Variants in SAMMSON observed in about 807,000 individuals in gnomAD.
SAMMSON encodes long intergenic non-protein coding RNA 1212.
chr3:70,419,051 A>C (rs1701290298), intron 2 of SAMMSON, among the ~76,000 whole-genome samples: 1 of 135,392 alleles, frequency 7.4e-6, no homozygotes, highest in Non-Finnish European at 1.5e-5. Flanking sequence ...TTTCACAGGG[A>C]TCTCACTCTT....
At chr3:70,238,762 G>A (rs907543664) in intron 4 of SAMMSON, among the ~76,000 whole-genome samples, 1 of 151,892 alleles carries the variant, frequency 6.6e-6, no homozygotes, top group Non-Finnish European at 1.5e-5. Context: ...GTCTCCATCT[G>A]GACATCCTAG....
intron 4 of SAMMSON, among the ~76,000 whole-genome samples, chr3:70,188,716 T>A (rs1701109374): frequency 1.3e-5 from 2 of 152,224 alleles, no homozygotes; most frequent in African/African-American, 4.8e-5. Context: ...AAGACTTGGC[T>A]GAATCATCTC....
chr3:70,358,128 C>T (rs973040432), intron 8 of SAMMSON: 6 of 152,106 alleles, frequency 3.9e-5, no homozygotes, highest in Non-Finnish European at 8.8e-5. Flanking sequence ...AGTATATTGA[C>T]TTATAATACA....
At chr3:70,266,485 A>G (rs1331185007) in intron 6 of SAMMSON, among the ~76,000 whole-genome samples, 1 of 152,064 alleles carries the variant, frequency 6.6e-6, no homozygotes, top group African/African-American at 2.4e-5. Flanking sequence ...TAGTGGCACA[A>G]TCATGGCTCA....
At chr3:70,092,474 T>A (rs1014373438) in intron 4 of SAMMSON, among the ~76,000 whole-genome samples, 1 of 151,100 alleles carries the variant, frequency 6.6e-6, no homozygotes, top group Non-Finnish European at 1.5e-5. Flanking sequence ...AGCTTTCGTC[T>A]CATTGTTTTC....
intron 4 of SAMMSON, among the ~76,000 whole-genome samples, chr3:70,220,778 T>A (rs145575571): frequency 1.2e-3 from 187 of 152,304 alleles, no homozygotes; most frequent in African/African-American, 4.2e-3. Context: ...TTATGAAGAT[T>A]TCAGTCTCTC....
At chr3:70,337,782 A>G (rs534620109) in intron 7 of SAMMSON, among the ~76,000 whole-genome samples, 1 of 152,110 alleles carries the variant, frequency 6.6e-6, no homozygotes, top group East Asian at 1.9e-4. Flanking sequence ...ATAAAATTAA[A>G]TACAATAATG....
intron 7 of SAMMSON, among the ~76,000 whole-genome samples, chr3:70,312,175 A>AT (rs1268927262): frequency 8.5e-5 from 13 of 152,054 alleles, no homozygotes; most frequent in Non-Finnish European, 1.6e-4. Context: ...TAAACTTTAT[A>AT]TGATATTTCT....
chr3:70,015,339 A>G (rs1329911982), intron 3 of SAMMSON: 1 of 152,046 alleles, frequency 6.6e-6, no homozygotes, highest in Non-Finnish European at 1.5e-5. Context: ...GACTTCCCTC[A>G]GCATTTTGGG....
intron 7 of SAMMSON, among the ~76,000 whole-genome samples, chr3:70,312,930 T>C (rs1442017162): frequency 6.6e-6 from 1 of 152,030 alleles, no homozygotes; most frequent in African/African-American, 2.4e-5. Flanking sequence ...TAGAAAAAAA[T>C]GTATTGAAAA....
intron 1 of SAMMSON, among the ~76,000 whole-genome samples, chr3:70,010,395 G>T (rs2066948929): frequency 6.6e-6 from 1 of 152,076 alleles, no homozygotes. Context: ...ATTATGTAAT[G>T]GCCTTCTTTG....
chr3:70,298,182 T>G (rs1304010856), intron 7 of SAMMSON, among the ~76,000 whole-genome samples: 2 of 152,148 alleles, frequency 1.3e-5, no homozygotes, highest in Non-Finnish European at 2.9e-5. Context: ...GGTTTGCAGG[T>G]TTTTGATCTG....
At chr3:70,105,319 C>A (rs1267163753) in intron 4 of SAMMSON, among the ~76,000 whole-genome samples, 1 of 152,072 alleles carries the variant, frequency 6.6e-6, no homozygotes, top group African/African-American at 2.4e-5. Context: ...GGGGGCATAC[C>A]ACCACACAAT....
chr3:70,199,929 A>T (rs1701221934), intron 4 of SAMMSON, among the ~76,000 whole-genome samples: 1 of 152,114 alleles, frequency 6.6e-6, no homozygotes, highest in African/African-American at 2.4e-5. Flanking sequence ...GCCAAACTGC[A>T]TTTTGGATCT....
At chr3:70,011,194 A>G (rs934240827) in intron 1 of SAMMSON, among the ~76,000 whole-genome samples, 1 of 152,016 alleles carries the variant, frequency 6.6e-6, no homozygotes, top group African/African-American at 2.4e-5. Flanking sequence ...TTTTTTGTGA[A>G]GTTTACTGGA....
chr3:70,041,534 C>T (rs79984078), intron 3 of SAMMSON, among the ~76,000 whole-genome samples: 2,805 of 151,872 alleles, frequency 0.018, 87 homozygotes, highest in African/African-American at 0.062. Flanking sequence ...GCTTGTAAAG[C>T]CCTTAGTGAC....
At chr3:70,155,364 T>C (rs924795518) in intron 4 of SAMMSON, among the ~76,000 whole-genome samples, 13 of 152,010 alleles carry the variant, frequency 8.6e-5, no homozygotes, top group Admixed American at 2.0e-4. Context: ...ACATTAGAAC[T>C]GGGCCATAAT....
In SAMMSON at chr3:70,351,538, CA is replaced by C. The variant is rs138728955; in HGVS notation, n.740-2632del. Reference sequence around the variant, plus strand: ...CTAAATATTATATATTTAAAATGCCCAAAAATAGGGAAAGAAGAGGACAGAC... The same window carrying C: ...CTAAATATTATATATTTAAAATGCCCAAAATAGGGAAAGAAGAGGACAGAC... On this transcript the variant is annotated intron_variant and non_coding_transcript_variant, in intron 7 of 9. Coordinates refer to ENST00000642114, the Ensembl canonical transcript of SAMMSON. 6.1e-4 allele frequency among the ~76,000 whole-genome samples: 92 copies of C among 151,922 alleles called. No individual in the cohort carries two copies. The East Asian group carries it at 0.015, about 25-fold the overall frequency.
intron 4 of SAMMSON, among the ~76,000 whole-genome samples, chr3:70,218,664 C>A (rs1701436051): frequency 6.6e-6 from 1 of 152,036 alleles, no homozygotes; most frequent in African/African-American, 2.4e-5. Context: ...CCCAGCAGAA[C>A]TATTCCTGAC....
Sources: allele counts gnomAD v4.1 joint callset (sites outside exome capture counted in the v4.1 genomes callset), GRCh38; gene constraint gnomAD v4.1.1; transcripts MANE v1.5; gene names NCBI Gene and HGNC (gene_info 2026-07-23, HGNC 2026-07-21).